The following SHANK2 variants were observed in gnomAD, a reference collection of about 807,000 sequenced individuals.
SHANK2 encodes SH3 and multiple ankyrin repeat domains protein 2.
A neutral mutation model predicts 133.7 loss-of-function variants in SHANK2; 43 were observed. The observed-to-expected ratio is 0.32, with a 90% CI of 0.25 to 0.41. The LOEUF is 0.41. Ranked by LOEUF, SHANK2 falls within the 10% of genes least tolerant of loss-of-function variation. The probability of loss-of-function intolerance (pLI) is 1.00; values close to 1 mark genes in which losing one functional copy is unlikely to be tolerated. For synonymous variants in SHANK2, 1,017 were observed against 952.8 expected (o/e 1.07, Z -1.24); for missense variants, 1,994 against 2,235.8 (o/e 0.89, Z 2.18).
At chr11:70,611,507 T>C (rs1231143730) in intron 17 of SHANK2, among the ~76,000 whole-genome samples, 2 of 152,250 alleles carry the variant, frequency 1.3e-5, no homozygotes, top group Non-Finnish European at 2.9e-5. Flanking sequence ...ACCCACGTCC[T>C]ATCCTTCAGG....
chr11:70,852,904 G>A (rs1023644244), intron 11 of SHANK2, among the ~76,000 whole-genome samples: 4 of 152,230 alleles, frequency 2.6e-5, no homozygotes, highest in Non-Finnish European at 1.5e-5. Context: ...GTAGAGGCCA[G>A]GGGAGGGGTT....
intron 2 of SHANK2, among the ~76,000 whole-genome samples, chr11:71,147,693 G>C (rs1263065499): frequency 6.6e-6 from 1 of 152,194 alleles, no homozygotes; most frequent in African/African-American, 2.4e-5. Context: ...GGGCCACTGG[G>C]GCTGTCTGAG....
At chr11:71,080,910 G>C (rs975427311) in intron 8 of SHANK2, among the ~76,000 whole-genome samples, 1 of 152,208 alleles carries the variant, frequency 6.6e-6, no homozygotes, top group African/African-American at 2.4e-5. Context: ...GGCAGCGGAC[G>C]GGCTGTGATG....
rs191018847 is a variant in SHANK2, at chr11:70,605,092, G to C, written c.2061+54736C>G. ...TGCAGCAGCCCTCCGAGGATGGGAGGCTCTGAGAATCCTCAGTGAAGGGCA... is the reference window on the plus strand; with the variant it reads ...TGCAGCAGCCCTCCGAGGATGGGAGCCTCTGAGAATCCTCAGTGAAGGGCA... On this transcript the variant is annotated intron_variant, in intron 17 of 25. Transcript: ENST00000601538. Among the ~76,000 whole-genome samples, 9 of 152,372 alleles carry C rather than the reference G, an allele frequency of 5.9e-5. No homozygotes were observed. The East Asian group carries it at 1.7e-3, about 29-fold the overall frequency.
At chr11:70,510,815 C>G (rs1554969215) in intron 17 of SHANK2, among the ~76,000 whole-genome samples, 3 of 152,348 alleles carry the variant, frequency 2.0e-5, no homozygotes, top group African/African-American at 4.8e-5. Flanking sequence ...GCTGCCTTCC[C>G]CTTTCCTGGT....
At chr11:70,785,808 A>C (rs548763743) in intron 14 of SHANK2, among the ~76,000 whole-genome samples, 1 of 152,316 alleles carries the variant, frequency 6.6e-6, no homozygotes, top group South Asian at 2.1e-4. Flanking sequence ...CATCTCGGGC[A>C]CCAGGCTGCC....
intron 3 of SHANK2, among the ~76,000 whole-genome samples, chr11:71,132,206 C>T (rs1284944764): frequency 3.3e-5 from 5 of 152,150 alleles, no homozygotes; most frequent in Non-Finnish European, 5.9e-5. Context: ...GAGGCAGAGT[C>T]GGAGCCAGGC....
intron 14 of SHANK2, among the ~76,000 whole-genome samples, chr11:70,701,708 A>G (rs1375078372): frequency 1.3e-5 from 2 of 152,140 alleles, no homozygotes; most frequent in African/African-American, 4.8e-5. Flanking sequence ...CCGGCCAGAA[A>G]AAGAAGCCTT....
intron 8 of SHANK2, among the ~76,000 whole-genome samples, chr11:71,078,404 A>C (rs1401346304): frequency 6.6e-6 from 1 of 152,242 alleles, no homozygotes; most frequent in Non-Finnish European, 1.5e-5. Flanking sequence ...GGATTAAAAA[A>C]AAATCTCCAT....
intron 14 of SHANK2, among the ~76,000 whole-genome samples, chr11:70,726,312 G>T (rs568473351): frequency 5.9e-5 from 9 of 152,296 alleles, no homozygotes; most frequent in Non-Finnish European, 1.2e-4. Flanking sequence ...CCAAAAGCAG[G>T]AAGTGCAGAG....
chr11:70,769,716 C>T (rs539137155), intron 14 of SHANK2, among the ~76,000 whole-genome samples: 13 of 149,434 alleles, frequency 8.7e-5, no homozygotes, highest in South Asian at 2.2e-4. Flanking sequence ...CACACATGTG[C>T]GTGTGTTCTA....
At chr11:70,519,948 A>T (rs1197255399) in intron 17 of SHANK2, among the ~76,000 whole-genome samples, 2 of 138,994 alleles carry the variant, frequency 1.4e-5, no homozygotes, top group African/African-American at 5.4e-5. Flanking sequence ...AGGTCTCACC[A>T]TGTTGCCCAG....
intron 14 of SHANK2, among the ~76,000 whole-genome samples, chr11:70,744,412 G>A (rs1555035499): frequency 6.6e-6 from 1 of 152,214 alleles, no homozygotes; most frequent in African/African-American, 2.4e-5. Flanking sequence ...TCTGCGCTCT[G>A]CAATGTGAGC....
At chr11:70,489,552 G>A in intron 23 of SHANK2, 1 of 630,400 alleles carries the variant, frequency 1.6e-6, no homozygotes. Flanking sequence ...GGCATTTCCA[G>A]AACACACAGG....
chr11:70,907,112 C>A lies in SHANK2; in HGVS notation c.1108-10545G>T, dbSNP rs1439255989. Among the ~76,000 whole-genome samples the A allele has an allele frequency of 2.0e-5, 3 of 152,330 alleles. No individual in the cohort carries two copies. In the East Asian group the frequency reaches 5.8e-4, roughly 29 times the overall value. Reference sequence around the variant, plus strand: ...GGCTCAGGGGAGTCGTGGGCCAGGACCCCCGGCCAGAGGAAGCAGCTGGGG... The same window carrying A: ...GGCTCAGGGGAGTCGTGGGCCAGGAACCCCGGCCAGAGGAAGCAGCTGGGG... On this transcript the variant is annotated intron_variant, in intron 10 of 25. Transcript: ENST00000601538.
At chr11:71,057,507 G>C (rs1950934596) in intron 9 of SHANK2, among the ~76,000 whole-genome samples, 1 of 152,186 alleles carries the variant, frequency 6.6e-6, no homozygotes, top group South Asian at 2.1e-4. Flanking sequence ...TACTTTCATG[G>C]AAAGGAAAAG....
intron 10 of SHANK2, among the ~76,000 whole-genome samples, chr11:70,900,775 C>T (rs782686090): frequency 3.9e-5 from 6 of 152,142 alleles, no homozygotes; most frequent in Non-Finnish European, 5.9e-5. Flanking sequence ...CTGGCACTGC[C>T]CGCCCTATGC....
intron 6 of SHANK2, among the ~76,000 whole-genome samples, chr11:71,097,498 C>T (rs1565448890): frequency 1.3e-5 from 2 of 152,220 alleles, no homozygotes. Context: ...CCTCAACAAG[C>T]ATAACCTCAG....
At chr11:70,930,659 C>CTTTTTTTTTTTTTTTTTTTTTTTTTT (rs367913415) in intron 10 of SHANK2, among the ~76,000 whole-genome samples, 4 of 114,192 alleles carry the variant, frequency 3.5e-5, no homozygotes, top group Non-Finnish European at 7.2e-5. Context: ...ATTTCTTTGT[C>CTTTTTTTTTTTTTTTTTTTTTTTTTT]TTTTTTTTTT....
Sources: allele counts gnomAD v4.1 joint callset (sites outside exome capture counted in the v4.1 genomes callset), GRCh38; gene constraint gnomAD v4.1.1; transcripts MANE v1.5; gene names NCBI Gene and HGNC (gene_info 2026-07-23, HGNC 2026-07-21).